Variants in TM4SF18 observed in about 807,000 individuals in gnomAD.
The protein encoded by TM4SF18 is transmembrane 4 L6 family member 18.
Under a neutral mutation model 23.8 loss-of-function variants are expected in TM4SF18, and 22 were observed. That is an observed-to-expected ratio of 0.92 (90% CI 0.66 to 1.32). TM4SF18 has a LOEUF of 1.32. TM4SF18 is among the 40% of genes most tolerant of loss of function. The pLI, the probability that TM4SF18 is intolerant of heterozygous loss-of-function variation, is 0.00. For missense variants in TM4SF18, 255 were observed against 240.3 expected (o/e 1.06, Z -0.41); for synonymous variants, 87 against 87.9 (o/e 0.99, Z 0.06).
chr3:149,333,108 C>T, intron 2 of TM4SF18, 98 bp downstream of exon 2: 1 of 1,189,258 alleles, frequency 8.4e-7, no homozygotes, highest in Non-Finnish European at 1.2e-6. Context: ...CCAAGATTAG[C>T]AGAATGATTT....
rs1160602813 is a variant in TM4SF18, at chr3:149,327,365, C to T, written c.268-2343G>A. Among the ~76,000 whole-genome samples the T allele has an allele frequency of 3.3e-5, 5 of 151,700 alleles. No individual in the cohort carries two copies. The East Asian group carries it at 7.7e-4, about 23-fold the overall frequency. Reference sequence around the variant, plus strand: ...GGTCACACAAGCTGGAAGTAAGAGACCTCAAAGATAAGGATCCAGCTTGGA... The same window carrying T: ...GGTCACACAAGCTGGAAGTAAGAGATCTCAAAGATAAGGATCCAGCTTGGA... On this transcript the variant is annotated intron_variant, in intron 3 of 5. Coordinates refer to ENST00000296059, the MANE Select transcript of TM4SF18 (RefSeq NM_138786.4).
At chr3:149,333,069 C>T (rs765537832) in intron 2 of TM4SF18, 137 bp downstream of exon 2, 3 of 842,052 alleles carry the variant, frequency 3.6e-6, no homozygotes, top group Non-Finnish European at 5.4e-6. Context: ...CCTGCCCCTT[C>T]ACCCCCATCC....
chr3:149,330,496 T>A (rs1375927339), intron 2 of TM4SF18, 77 bp from the exon 3 acceptor site: 1 of 966,256 alleles, frequency 1.0e-6, no homozygotes, highest in African/African-American at 1.6e-5. Context: ...GGACAGCGTC[T>A]TCAAGCATAG....
In TM4SF18 at chr3:149,332,618, A is replaced by T. The variant is rs148758841; in HGVS notation, c.177+588T>A. Reference sequence around the variant, plus strand: ...TAATTACAACAGTCACTGGCTATCTACTACATGTCAGTCTCTCTCCTGGGC... The same window carrying T: ...TAATTACAACAGTCACTGGCTATCTTCTACATGTCAGTCTCTCTCCTGGGC... On this transcript the variant is annotated intron_variant, in intron 2 of 5. Coordinates refer to ENST00000296059, the MANE Select transcript of TM4SF18 (RefSeq NM_138786.4). 3.3e-3 allele frequency among the ~76,000 whole-genome samples: 496 copies of T among 152,314 alleles called. 1 individual carries two copies. The highest frequency in any genetic ancestry group is 4.8e-3 in the Non-Finnish European group (327 of 68,024).
Position 149,332,740 on chromosome 3 carries a change from G to A in TM4SF18, c.177+466C>T, listed in dbSNP as rs993108746. Reference sequence around the variant, plus strand: ...AAAGATACTGAGTAACTTGCTGAAGGTCTCATGGAACAAATGACAGAGCTT... The same window carrying A: ...AAAGATACTGAGTAACTTGCTGAAGATCTCATGGAACAAATGACAGAGCTT... On this transcript the variant is annotated intron_variant, in intron 2 of 5. Transcript: ENST00000296059. 2.6e-5 allele frequency among the ~76,000 whole-genome samples: 4 copies of A among 152,012 alleles called. No homozygotes were observed. In the East Asian group the frequency reaches 5.8e-4, roughly 22 times the overall value.
At chr3:149,324,659 A>T in intron 4 of TM4SF18, 1 of 551,418 alleles carries the variant, frequency 1.8e-6, no homozygotes, top group Non-Finnish European at 3.2e-6. Context: ...CAACCTCAAG[A>T]CATTGAATGA....
At chr3:149,327,439 T>C (rs572735439) in intron 3 of TM4SF18, among the ~76,000 whole-genome samples, 24 of 148,214 alleles carry the variant, frequency 1.6e-4, no homozygotes, top group Admixed American at 2.7e-4. Context: ...GGAAAACACA[T>C]TAAGGAGGAA....
intron 3 of TM4SF18, among the ~76,000 whole-genome samples, chr3:149,325,975 C>A (rs1225582702): frequency 6.6e-6 from 1 of 152,032 alleles, no homozygotes; most frequent in Non-Finnish European, 1.5e-5. Flanking sequence ...TGTATATATT[C>A]ATGCAAAGTA....
chr3:149,327,773 A>C (rs527611348), intron 3 of TM4SF18, among the ~76,000 whole-genome samples: 1 of 152,330 alleles, frequency 6.6e-6, no homozygotes, highest in South Asian at 2.1e-4. Flanking sequence ...AACTGGAAAA[A>C]ATATTCACTG....
Position 149,325,031 on chromosome 3 carries a change from A to G in TM4SF18, c.268-9T>C, listed in dbSNP as rs770531463. 1.9e-5 allele frequency: 30 copies of G among 1,612,334 alleles called. No individual in the cohort carries two copies. The South Asian group carries it at 3.0e-4, about 16-fold the overall frequency. On this transcript the variant is annotated splice_polypyrimidine_tract_variant and intron_variant, in intron 3 of 5. Transcript: ENST00000296059. ...ATAATTGACAGCAGTGTCTAAATTA[A>G]AACATAGAAGCAGGTTAGTACCATA...
chr3:149,323,770 A>G (rs1237999332), intron 4 of TM4SF18, among the ~76,000 whole-genome samples: 2 of 152,208 alleles, frequency 1.3e-5, no homozygotes, highest in Non-Finnish European at 2.9e-5. Flanking sequence ...AGAGATTTTT[A>G]GGGAACAAGG....
chr3:149,332,395 A>G (rs1349063010), intron 2 of TM4SF18, among the ~76,000 whole-genome samples: 1 of 152,196 alleles, frequency 6.6e-6, no homozygotes, highest in Non-Finnish European at 1.5e-5. Flanking sequence ...TGACTTGACC[A>G]GGAAATTGTC....
intron 3 of TM4SF18, chr3:149,330,110 AG>A (rs1559992112): frequency 2.8e-6 from 1 of 355,594 alleles, no homozygotes; most frequent in East Asian, 4.2e-5. Context: ...TCCTAATTTT[AG>A]GTATCTTTAA....
At chr3:149,328,533 A>G (rs762398391) in intron 3 of TM4SF18, among the ~76,000 whole-genome samples, 2 of 152,234 alleles carry the variant, frequency 1.3e-5, no homozygotes, top group African/African-American at 4.8e-5. Context: ...ATGCAGATTC[A>G]GTTTTTCCCA....
chr3:149,324,963 G>T lies in TM4SF18; in HGVS notation c.327C>A (p.Val109=), dbSNP rs555886702. ...LGIAFSGYCL[V]ISALGLVQGP... The stretch of plus-strand genomic sequence containing the variant: ...CTTGGACAAGACCCAAGGCAGAGAT[G>T]ACCAGGCAGTATCCAGAAAAAGCAA... Residue 109 remains valine, a synonymous_variant, in exon 4 of 6, where the codon GTC becomes GTA. Coordinates refer to ENST00000296059, the MANE Select transcript of TM4SF18 (RefSeq NM_138786.4). 2 of 1,614,154 alleles carry T rather than the reference G, an allele frequency of 1.2e-6. No individual in the cohort carries two copies. The highest frequency in any genetic ancestry group is 4.5e-5 in the East Asian group (2 of 44,882).
At chr3:149,324,851 C>T (rs1290927558) in intron 4 of TM4SF18, 29 bp downstream of exon 4, 1 of 1,612,310 alleles carries the variant, frequency 6.2e-7, no homozygotes, top group East Asian at 2.2e-5. Flanking sequence ...GATTTTCCGA[C>T]CTCCTTGGTT....
rs200411005 is a variant in TM4SF18, at chr3:149,321,510, A to G, written c.592-18T>C. The G allele has an allele frequency of 2.0e-5, 31 of 1,563,102 alleles. No homozygotes were observed. Among genetic ancestry groups the G allele is most frequent in the Non-Finnish European group, 2.5e-5 (29 of 1,146,138 alleles). ...ATTCCAGGCTATAGGAAAAAAGGAA[A>G]AACAAAGTGATTAAAGTTATAAACT... On this transcript the variant is annotated intron_variant, in intron 5 of 5. Transcript: ENST00000296059.
At position 149,332,089 on chromosome 3, in the gene TM4SF18, T is replaced by A. The variant is rs187668129; in HGVS notation, c.177+1117A>T. Among the ~76,000 whole-genome samples, 188 of 152,302 alleles carry A rather than the reference T, an allele frequency of 1.2e-3. 1 individual carries two copies. The highest frequency in any genetic ancestry group is 4.2e-3 in the African/African-American group (176 of 41,568). The stretch of plus-strand genomic sequence containing the variant: ...CAAACGACATAAGCATTTTCATGGA[T>A]CTTGATATATTATACCAAACTCTTC... On this transcript the variant is annotated intron_variant, in intron 2 of 5. Coordinates refer to ENST00000296059, the MANE Select transcript of TM4SF18 (RefSeq NM_138786.4).
At chr3:149,330,594 T>C (rs1731068228) in intron 2 of TM4SF18, among the ~76,000 whole-genome samples, 175 bp from the exon 3 acceptor site, 1 of 152,186 alleles carries the variant, frequency 6.6e-6, no homozygotes. Context: ...TATAAAATGG[T>C]ATCAAGAGAT....
Sources: gnomAD v4.1 joint callset for allele counts (sites outside exome capture counted in the v4.1 genomes callset) on GRCh38, gnomAD v4.1.1 for gene constraint, MANE v1.5 for transcripts, NCBI Gene and HGNC (gene_info 2026-07-23, HGNC 2026-07-21) for gene names.